Variants in ADAMTS6 observed in about 807,000 individuals in gnomAD.
ADAMTS6 encodes the protein A disintegrin and metalloproteinase with thrombospondin motifs 6.
ADAMTS6 carries 23 observed loss-of-function variants against 144.3 expected under a neutral mutation model. The observed-to-expected ratio is 0.16, with a 90% CI of 0.11 to 0.23. The LOEUF is 0.23. Among genes scored for constraint, ADAMTS6 ranks in the 10% least tolerant of loss-of-function variants. ADAMTS6 has a pLI of 1.00. For missense variants in ADAMTS6, 999 were observed against 1,379.6 expected (o/e 0.72, Z 4.37); for synonymous variants, 444 against 457.5 (o/e 0.97, Z 0.38).
chr5:65,394,807 C>T (rs561825378), intron 7 of ADAMTS6, among the ~76,000 whole-genome samples: 31 of 152,038 alleles, frequency 2.0e-4, no homozygotes, highest in African/African-American at 6.8e-4. Context: ...AGTATTTGAC[C>T]CTCCAAACTT....
intron 21 of ADAMTS6, among the ~76,000 whole-genome samples, chr5:65,190,384 A>G (rs1292799739): frequency 6.6e-6 from 1 of 152,186 alleles, no homozygotes; most frequent in African/African-American, 2.4e-5. Flanking sequence ...GGTAAGGAGG[A>G]AAATGTGTAC....
chr5:65,383,181 G>A (rs547693691), intron 7 of ADAMTS6, among the ~76,000 whole-genome samples: 35 of 151,924 alleles, frequency 2.3e-4, no homozygotes, highest in African/African-American at 8.0e-4. Flanking sequence ...TTTTTGCTCC[G>A]ACCCCACAAA....
intron 6 of ADAMTS6, among the ~76,000 whole-genome samples, chr5:65,451,874 A>G (rs1437479065): frequency 6.6e-6 from 1 of 152,212 alleles, no homozygotes; most frequent in African/African-American, 2.4e-5. Flanking sequence ...AATGAAAATC[A>G]TTATTATAAG....
intron 18 of ADAMTS6, among the ~76,000 whole-genome samples, chr5:65,216,997 G>C (rs1364226544): frequency 6.6e-6 from 1 of 152,198 alleles, no homozygotes; most frequent in Non-Finnish European, 1.5e-5. Flanking sequence ...TCATGGTGCA[G>C]AGTCTCTGAC....
intron 7 of ADAMTS6, among the ~76,000 whole-genome samples, chr5:65,450,693 C>T (rs13161265): frequency 6.6e-6 from 1 of 152,072 alleles, no homozygotes; most frequent in Non-Finnish European, 1.5e-5. Context: ...CAGATAGCAT[C>T]GTATAATCAA....
chr5:65,470,257 A>G (rs891333729), intron 3 of ADAMTS6, among the ~76,000 whole-genome samples: 1 of 152,176 alleles, frequency 6.6e-6, no homozygotes, highest in Non-Finnish European at 1.5e-5. Flanking sequence ...TAAGATTTAT[A>G]TCAATCTTCA....
intron 7 of ADAMTS6, among the ~76,000 whole-genome samples, chr5:65,398,986 G>C (rs1002174422): frequency 1.3e-5 from 2 of 152,120 alleles, no homozygotes; most frequent in Non-Finnish European, 2.9e-5. Context: ...GGCTGGGTGC[G>C]GTGGCTCATG....
At chr5:65,431,024 T>C (rs1756965918) in intron 7 of ADAMTS6, among the ~76,000 whole-genome samples, 1 of 152,188 alleles carries the variant, frequency 6.6e-6, no homozygotes, top group African/African-American at 2.4e-5. Flanking sequence ...TATTCAGTTG[T>C]ATAATCCCAA....
chr5:65,214,412 C>T lies in ADAMTS6; in HGVS notation c.2575+382G>A. 2.9e-6 allele frequency: 1 copy of T among 349,842 alleles called. No individual in the cohort carries two copies. Among genetic ancestry groups the T allele is most frequent in the Non-Finnish European group, 5.6e-6 (1 of 180,028 alleles). 21.7% of individuals were successfully genotyped at this position (349,842 alleles called of 1,614,324 possible). On this transcript the variant is annotated intron_variant, in intron 20 of 24. Coordinates refer to ENST00000381055, the MANE Select transcript of ADAMTS6 (RefSeq NM_197941.4). This position sits in a 1 kb window ranked among gnomAD's most constrained non-coding sequence, Gnocchi z 4.6. ...CACAACAAGCACACAGCCGTACATT[C>T]TCATCTCCCATTACAAGAAGTTGCA... is the stretch of plus-strand genomic sequence containing the variant.
chr5:65,317,560 G>T (rs988256450), intron 9 of ADAMTS6, among the ~76,000 whole-genome samples: 1 of 152,078 alleles, frequency 6.6e-6, no homozygotes, highest in African/African-American at 2.4e-5. Flanking sequence ...GGACAAATGG[G>T]ATCACATCAA....
At chr5:65,461,666 C>T (rs567220418) in intron 3 of ADAMTS6, among the ~76,000 whole-genome samples, 1 of 152,264 alleles carries the variant, frequency 6.6e-6, no homozygotes, top group Admixed American at 6.5e-5. Context: ...CTCTGGGGAG[C>T]CCTAAGGGTT....
Position 65,321,879 on chromosome 5 carries a change from C to T in ADAMTS6, c.1223+7499G>A, listed in dbSNP as rs577282570. On this transcript the variant is annotated intron_variant, in intron 9 of 24. Transcript: ENST00000381055. ...TACAGGCATGTGCCACCATGCCTGG[C>T]TAATTTTTGTATTTTTAGAAGAGAC... Among the ~76,000 whole-genome samples the T allele has an allele frequency of 2.6e-5, 4 of 152,010 alleles. No individual in the cohort carries two copies. In the South Asian group the frequency reaches 8.3e-4, roughly 32 times the overall value.
intron 21 of ADAMTS6, 75 bp downstream of exon 21, chr5:65,196,947 T>C: frequency 6.6e-7 from 1 of 1,505,558 alleles, no homozygotes; most frequent in Non-Finnish European, 8.9e-7. Context: ...TATAAATATA[T>C]TTCCAAACAT....
chr5:65,408,333 A>G (rs573730167), intron 7 of ADAMTS6, among the ~76,000 whole-genome samples: 2,923 of 152,222 alleles, frequency 0.019, 90 homozygotes, highest in African/African-American at 0.066. Flanking sequence ...AACAAAAAAA[A>G]GCAGGGGTTG....
intron 15 of ADAMTS6, among the ~76,000 whole-genome samples, chr5:65,234,998 C>T (rs1192513838): frequency 2.0e-5 from 3 of 152,078 alleles, no homozygotes; most frequent in Admixed American, 2.0e-4. Context: ...GATACAAATA[C>T]TGTATGATCT....
chr5:65,286,321 T>A (rs1741654030), intron 11 of ADAMTS6, among the ~76,000 whole-genome samples: 2 of 152,306 alleles, frequency 1.3e-5, no homozygotes, highest in Admixed American at 6.5e-5. Context: ...TTATTTAAAA[T>A]ATTCTGATAA....
In ADAMTS6 at chr5:65,151,885, C is replaced by T; in HGVS notation, c.3305G>A (p.Ser1102Asn). ...CPLVLKFKFC[S>N]RAYFRQMCCK... ...ACACATCTGTCTGAAGTATGCTCGA[C>T]TGCAGAACTTGAACTTCAGCACCAG... is the stretch of plus-strand genomic sequence containing the variant. Residue 1102 changes from serine (S) to asparagine (N), a missense_variant, in exon 25 of 25, where the codon AGT becomes AAT. Physicochemically the swap from Ser to Asn is conservative, Grantham distance 46. Coordinates refer to ENST00000381055, the MANE Select transcript of ADAMTS6 (RefSeq NM_197941.4). 1.2e-6 allele frequency: 2 copies of T among 1,613,950 alleles called. No homozygotes were observed. Among genetic ancestry groups the T allele is most frequent in the African/African-American group, 1.3e-5 (1 of 75,060 alleles).
rs548438255 is a variant in ADAMTS6, at chr5:65,457,033, C to A, written c.631+3137G>T. Among the ~76,000 whole-genome samples, 7 of 152,300 alleles carry A rather than the reference C, an allele frequency of 4.6e-5. No homozygotes were observed. In the Middle Eastern group the frequency reaches 0.01, roughly 222 times the overall value. Reference sequence around the variant, plus strand: ...TATAAATTCACATCTCTCACTTGACCTATGCTGTTGAAACAGTATCACAAT... The same window carrying A: ...TATAAATTCACATCTCTCACTTGACATATGCTGTTGAAACAGTATCACAAT... On this transcript the variant is annotated intron_variant, in intron 4 of 24. Transcript: ENST00000381055.
intron 9 of ADAMTS6, 40 bp from the exon 10 acceptor site, chr5:65,300,171 A>G (rs1743218651): frequency 6.3e-7 from 1 of 1,580,636 alleles, no homozygotes; most frequent in Non-Finnish European, 8.6e-7. Context: ...AATAAATAAG[A>G]AAAAAACCCC....
Sources: allele counts gnomAD v4.1 joint callset (sites outside exome capture counted in the v4.1 genomes callset), GRCh38; gene constraint gnomAD v4.1.1; non-coding constraint Gnocchi (gnomAD v3.1); transcripts MANE v1.5; gene names NCBI Gene and HGNC (gene_info 2026-07-23, HGNC 2026-07-21).